HS6ST3: variants seen among roughly 807,000 people sequenced by gnomAD.
HS6ST3 encodes heparan sulfate 6-O-sulfotransferase 3.
Under a neutral mutation model 36.7 loss-of-function variants are expected in HS6ST3, and 12 were observed. The observed-to-expected ratio is 0.33, with a 90% CI of 0.21 to 0.53. HS6ST3 has a LOEUF of 0.53. Among genes scored for constraint, HS6ST3 ranks in the 20% least tolerant of loss-of-function variants. The pLI is 0.95. For missense variants in HS6ST3, 584 were observed against 640.9 expected (o/e 0.91, Z 0.96); for synonymous variants, 240 against 257.5 (o/e 0.93, Z 0.65).
At chr13:96,799,123 A>G (rs946765326) in intron 1 of HS6ST3, among the ~76,000 whole-genome samples, 1 of 152,150 alleles carries the variant, frequency 6.6e-6, no homozygotes, top group African/African-American at 2.4e-5. Flanking sequence ...CGACTTATGA[A>G]TCTTTTAAAA....
chr13:96,192,838 T>C (rs1594710892), intron 1 of HS6ST3, among the ~76,000 whole-genome samples: 1 of 152,052 alleles, frequency 6.6e-6, no homozygotes, highest in Non-Finnish European at 1.5e-5. Context: ...TAAATTAATA[T>C]AGAAATATAT....
chr13:96,716,197 G>T (rs1411225695), intron 1 of HS6ST3, among the ~76,000 whole-genome samples: 8 of 151,668 alleles, frequency 5.3e-5, no homozygotes, highest in Admixed American at 5.3e-4. Flanking sequence ...AAAATTTTCA[G>T]ATGTCCCATA....
At chr13:96,181,353 G>A (rs1036338760) in intron 1 of HS6ST3, among the ~76,000 whole-genome samples, 1 of 152,152 alleles carries the variant, frequency 6.6e-6, no homozygotes, top group Non-Finnish European at 1.5e-5. Context: ...TTCCTATTGC[G>A]AGTCATTTAC....
At chr13:96,378,803 G>T (rs1315258388) in intron 1 of HS6ST3, among the ~76,000 whole-genome samples, 1 of 152,098 alleles carries the variant, frequency 6.6e-6, no homozygotes, top group Non-Finnish European at 1.5e-5. Context: ...CTATAAAGCG[G>T]TGACTTTTCT....
chr13:96,111,917 T>C (rs965415618), intron 1 of HS6ST3, among the ~76,000 whole-genome samples: 3 of 152,088 alleles, frequency 2.0e-5, no homozygotes, highest in African/African-American at 7.2e-5. Flanking sequence ...TTACAATTTA[T>C]AAATTTAAGA....
At chr13:96,378,990 G>C (rs781318844) in intron 1 of HS6ST3, among the ~76,000 whole-genome samples, 5 of 152,126 alleles carry the variant, frequency 3.3e-5, no homozygotes, top group Non-Finnish European at 7.4e-5. Context: ...ACAGCACTGT[G>C]CCTCACTCTC....
intron 1 of HS6ST3, among the ~76,000 whole-genome samples, chr13:96,695,627 G>T (rs1320917287): frequency 2.6e-5 from 3 of 115,166 alleles, no homozygotes; most frequent in African/African-American, 1.0e-4. Flanking sequence ...TTTACAGATG[G>T]AGTCTCACTA....
At chr13:96,719,923 ACGCCTTC>A (rs1241428712) in intron 1 of HS6ST3, among the ~76,000 whole-genome samples, 4 of 152,146 alleles carry the variant, frequency 2.6e-5, no homozygotes, top group Non-Finnish European at 5.9e-5. Context: ...TGAAGGGCTC[ACGCCTTC>A]ACAGGAAGCT....
intron 1 of HS6ST3, among the ~76,000 whole-genome samples, chr13:96,291,627 A>G (rs918274756): frequency 2.6e-5 from 4 of 152,200 alleles, no homozygotes; most frequent in Admixed American, 2.0e-4. Context: ...ATTTAAAACA[A>G]TTATTCTCAG....
chr13:96,433,951 CA>C (rs2055628932), intron 1 of HS6ST3, among the ~76,000 whole-genome samples: 1 of 152,008 alleles, frequency 6.6e-6, no homozygotes, highest in African/African-American at 2.4e-5. Flanking sequence ...AAAACAAAAA[CA>C]AAACTTCTTT....
At chr13:96,711,071 A>G (rs1594842310) in intron 1 of HS6ST3, among the ~76,000 whole-genome samples, 1 of 152,088 alleles carries the variant, frequency 6.6e-6, no homozygotes, top group South Asian at 2.1e-4. Context: ...CTACATCTGA[A>G]CCTGTCTTAT....
At chr13:96,357,710 C>T (rs1319348582) in intron 1 of HS6ST3, among the ~76,000 whole-genome samples, 1 of 152,042 alleles carries the variant, frequency 6.6e-6, no homozygotes, top group Admixed American at 6.6e-5. Flanking sequence ...CTACAGGTTA[C>T]AGGTTCTCGG....
chr13:96,694,954 A>C (rs970880508), intron 1 of HS6ST3, among the ~76,000 whole-genome samples: 1 of 152,210 alleles, frequency 6.6e-6, no homozygotes, highest in African/African-American at 2.4e-5. Flanking sequence ...AAACTCGGTC[A>C]AAACTGTCTT....
intron 1 of HS6ST3, among the ~76,000 whole-genome samples, chr13:96,605,098 C>T (rs1161052914): frequency 6.6e-6 from 1 of 152,108 alleles, no homozygotes; most frequent in Non-Finnish European, 1.5e-5. Flanking sequence ...TTTTCCAGCT[C>T]AGTCAGTTCT....
chr13:96,488,462 C>T (rs529011220), intron 1 of HS6ST3, among the ~76,000 whole-genome samples: 13 of 152,184 alleles, frequency 8.5e-5, no homozygotes, highest in Admixed American at 3.9e-4. Flanking sequence ...TTAGTAAGAG[C>T]GATGTGTTCC....
chr13:96,465,720 C>T (rs892825876), intron 1 of HS6ST3, among the ~76,000 whole-genome samples: 1 of 152,038 alleles, frequency 6.6e-6, no homozygotes, highest in Non-Finnish European at 1.5e-5. Flanking sequence ...CATAGGTGTT[C>T]ACTTGGTTCT....
At chr13:96,313,398 G>T (rs1038278205) in intron 1 of HS6ST3, among the ~76,000 whole-genome samples, 1 of 151,610 alleles carries the variant, frequency 6.6e-6, no homozygotes, top group Non-Finnish European at 1.5e-5. Context: ...ATGTTTAAAG[G>T]CTCCAGAGCT....
chr13:96,577,732 A>C (rs1023586822), intron 1 of HS6ST3, among the ~76,000 whole-genome samples: 2 of 152,210 alleles, frequency 1.3e-5, no homozygotes, highest in African/African-American at 4.8e-5. Context: ...GCCAACAAAC[A>C]TGAAAAAAAG....
intron 1 of HS6ST3, among the ~76,000 whole-genome samples, chr13:96,129,372 G>A (rs1444343829): frequency 6.6e-6 from 1 of 152,186 alleles, no homozygotes; most frequent in African/African-American, 2.4e-5. Context: ...CTGTATTAAG[G>A]CATATGGAGT....
Sources: gnomAD v4.1 joint callset for allele counts (sites outside exome capture counted in the v4.1 genomes callset) on GRCh38, gnomAD v4.1.1 for gene constraint, MANE v1.5 for transcripts, NCBI Gene and HGNC (gene_info 2026-07-23, HGNC 2026-07-21) for gene names.